Variants in EBF1 observed in about 807,000 individuals in gnomAD.
EBF1 encodes EBF transcription factor 1.
EBF1 carries 10 observed loss-of-function variants against 68.4 expected under a neutral mutation model. The observed-to-expected ratio is 0.15, with a 90% CI of 0.09 to 0.25. The LOEUF (loss-of-function observed/expected upper bound fraction) is 0.25. Ranked by LOEUF, EBF1 falls within the 10% of genes least tolerant of loss-of-function variation. The pLI is 1.00. For synonymous variants in EBF1, 298 were observed against 299.8 expected, an observed-to-expected ratio of 0.99 and a Z score of 0.06; for missense variants, 509 against 794.4, an observed-to-expected ratio of 0.64 and a Z score of 4.32.
intron 6 of EBF1, among the ~76,000 whole-genome samples, chr5:158,974,053 C>A (rs909678118): frequency 6.6e-6 from 1 of 152,168 alleles, no homozygotes; most frequent in Non-Finnish European, 1.5e-5. Flanking sequence ...CCACAGTGAA[C>A]GTGTTTGTAG....
At chr5:158,965,285 A>G (rs1479370665) in intron 6 of EBF1, among the ~76,000 whole-genome samples, 3 of 152,180 alleles carry the variant, frequency 2.0e-5, no homozygotes, top group African/African-American at 7.2e-5. Context: ...CAAATCTCCC[A>G]TCCCCTTTGC....
intron 6 of EBF1, among the ~76,000 whole-genome samples, chr5:158,969,391 T>C (rs1275481878): frequency 6.6e-6 from 1 of 152,118 alleles, no homozygotes; most frequent in East Asian, 1.9e-4. Context: ...CAATCCCATG[T>C]GCCTTCCTGG....
chr5:158,797,701 T>C (rs187059728), intron 8 of EBF1, among the ~76,000 whole-genome samples: 2 of 152,226 alleles, frequency 1.3e-5, no homozygotes, highest in East Asian at 3.9e-4. Flanking sequence ...CACAAACAAA[T>C]AGAATGGGTT....
intron 6 of EBF1, among the ~76,000 whole-genome samples, chr5:158,946,871 A>G (rs1262861824): frequency 1.3e-5 from 2 of 152,212 alleles, no homozygotes; most frequent in African/African-American, 4.8e-5. Context: ...CCTTTCTTTC[A>G]GAGGTGCCCT....
At chr5:159,094,579 C>A (rs1782245404) in intron 4 of EBF1, among the ~76,000 whole-genome samples, 1 of 152,032 alleles carries the variant, frequency 6.6e-6, no homozygotes, top group African/African-American at 2.4e-5. Context: ...TGCATATATA[C>A]CCTAATTTGA....
intron 10 of EBF1, among the ~76,000 whole-genome samples, chr5:158,736,312 T>C (rs1765170878): frequency 6.6e-6 from 1 of 152,244 alleles, no homozygotes; most frequent in South Asian, 2.1e-4. Flanking sequence ...AATGAGAGGC[T>C]GCAGAGTTCT....
intron 6 of EBF1, among the ~76,000 whole-genome samples, chr5:159,061,296 C>A (rs373795046): frequency 6.6e-6 from 1 of 152,036 alleles, no homozygotes; most frequent in Non-Finnish European, 1.5e-5. Flanking sequence ...AGCTGGTTCT[C>A]ATTTTGAAAC....
chr5:158,802,252 G>T (rs1780736688), intron 8 of EBF1, among the ~76,000 whole-genome samples: 1 of 152,086 alleles, frequency 6.6e-6, no homozygotes, highest in Non-Finnish European at 1.5e-5. Context: ...CCAAAATGAG[G>T]CATTTGTGAC....
intron 6 of EBF1, among the ~76,000 whole-genome samples, chr5:158,900,721 T>C (rs1402334973): frequency 6.6e-6 from 1 of 152,236 alleles, no homozygotes; most frequent in Non-Finnish European, 1.5e-5. Context: ...TGCCATTTAT[T>C]GGGCACCAGG....
intron 6 of EBF1, among the ~76,000 whole-genome samples, chr5:158,851,490 GAAAGA>G: frequency 1.3e-5 from 1 of 79,766 alleles, no homozygotes; most frequent in Non-Finnish European, 2.5e-5. Context: ...GGAAGGGGAG[GAAAGA>G]AGAGGGGGGA....
chr5:159,014,076 G>A (rs1765188720), intron 6 of EBF1, among the ~76,000 whole-genome samples: 1 of 152,194 alleles, frequency 6.6e-6, no homozygotes, highest in Non-Finnish European at 1.5e-5. Context: ...GTTCTACAGA[G>A]AAAGGAACCA....
At chr5:159,089,246 G>A (rs1373513232) in intron 4 of EBF1, among the ~76,000 whole-genome samples, 4 of 152,040 alleles carry the variant, frequency 2.6e-5, no homozygotes, top group African/African-American at 4.8e-5. Flanking sequence ...TGTTAAACTT[G>A]CATATTCTTA....
intron 6 of EBF1, among the ~76,000 whole-genome samples, chr5:158,956,028 ATGTGTGTGTGTGTGTGTGTGTG>A (rs56311243): frequency 7.8e-5 from 11 of 141,146 alleles, no homozygotes; most frequent in Admixed American, 2.8e-4. Flanking sequence ...ATAAATATAA[ATGTGTGTGTGTGTGTGTGTGTG>A]TGTGTGTGTG....
Position 158,723,889 on chromosome 5 carries a change from T to C in EBF1, c.1125+7180A>G, listed in dbSNP as rs74512164. Among the ~76,000 whole-genome samples, 9 of 152,258 alleles carry C rather than the reference T, an allele frequency of 5.9e-5. No individual in the cohort carries two copies. The East Asian group carries it at 1.7e-3, about 29-fold the overall frequency. ...GCTACAACTTCTTTCCCCAGATAAA[T>C]TACATGTGCAGGCATTTGTGTGTGC... On this transcript the variant is annotated intron_variant, in intron 11 of 15. Coordinates refer to ENST00000313708, the MANE Select transcript of EBF1 (RefSeq NM_024007.5).
chr5:158,857,778 T>C (rs1423626138), intron 6 of EBF1, among the ~76,000 whole-genome samples: 2 of 152,202 alleles, frequency 1.3e-5, no homozygotes, highest in African/African-American at 4.8e-5. Flanking sequence ...TCTCACCTAG[T>C]AGAAGGGTCA....
chr5:158,852,066 A>AGG (rs1408304116), intron 6 of EBF1, among the ~76,000 whole-genome samples: 4 of 11,018 alleles, frequency 3.6e-4, no homozygotes, highest in Admixed American at 1.2e-3. Context: ...AGGAGAGGGG[A>AGG]GGAGAGGGGA....
chr5:158,765,385 T>C (rs1210394905), intron 10 of EBF1, among the ~76,000 whole-genome samples: 1 of 151,178 alleles, frequency 6.6e-6, no homozygotes, highest in Non-Finnish European at 1.5e-5. Flanking sequence ...AAGGAAATGA[T>C]GAACGTGTGT....
chr5:158,932,231 T>C (rs1309944787), intron 6 of EBF1, among the ~76,000 whole-genome samples: 1 of 152,060 alleles, frequency 6.6e-6, no homozygotes, highest in Non-Finnish European at 1.5e-5. Context: ...AATGAAAAAA[T>C]TAAAAACTTA....
At chr5:158,825,979 A>T (rs945660920) in intron 7 of EBF1, among the ~76,000 whole-genome samples, 74 of 152,264 alleles carry the variant, frequency 4.9e-4, no homozygotes, top group African/African-American at 1.8e-3. Flanking sequence ...TCCTTTAAAA[A>T]TAGGCCCATG....
Sources: gnomAD v4.1 joint callset for allele counts (sites outside exome capture counted in the v4.1 genomes callset) on GRCh38, gnomAD v4.1.1 for gene constraint, MANE v1.5 for transcripts, NCBI Gene and HGNC (gene_info 2026-07-23, HGNC 2026-07-21) for gene names.